The following FGF1 variants were observed in gnomAD, a reference collection of about 807,000 sequenced individuals.
FGF1 encodes beta-endothelial cell growth factor.
A neutral mutation model predicts 13.4 loss-of-function variants in FGF1; 9 were observed. The ratio of observed to expected loss-of-function variants is 0.67; its 90% CI spans 0.40 to 1.17. FGF1 has a LOEUF of 1.17. Among genes scored for constraint, FGF1 ranks in the 50% most tolerant of loss-of-function variants. The pLI is 0.01. For synonymous variants in FGF1, 93 were observed against 79.0 expected (o/e 1.18, Z -0.94); for missense variants, 156 against 192.7 (o/e 0.81, Z 1.13).
chr5:142,602,620 T>C lies in FGF1; in HGVS notation c.170-1815A>G, dbSNP rs1313768586. Among the ~76,000 whole-genome samples, 5 of 152,282 alleles carry C rather than the reference T, an allele frequency of 3.3e-5. No homozygotes were observed. The South Asian group carries it at 8.3e-4, about 25-fold the overall frequency. On this transcript the variant is annotated intron_variant, in intron 2 of 3. Coordinates refer to ENST00000337706, the MANE Select transcript of FGF1 (RefSeq NM_000800.5). ...AAGGAAACCCCTCCTAGACACCTTGTGTGTGTATCCTTTCTAGAGAGCTTG... is the reference window on the plus strand; with the variant it reads ...AAGGAAACCCCTCCTAGACACCTTGCGTGTGTATCCTTTCTAGAGAGCTTG...
intron 2 of FGF1, among the ~76,000 whole-genome samples, chr5:142,612,576 C>T (rs1237164521): frequency 6.6e-6 from 1 of 152,020 alleles, no homozygotes; most frequent in Non-Finnish European, 1.5e-5. Flanking sequence ...TGCTAATTTG[C>T]AGTGAATATT....
intron 1 of FGF1, among the ~76,000 whole-genome samples, chr5:142,675,412 T>TG: frequency 6.6e-6 from 1 of 152,156 alleles, no homozygotes; most frequent in African/African-American, 2.4e-5. Context: ...TCCATCTCTC[T>TG]GTGCTGGTGC....
chr5:142,643,359 T>A (rs1765501901), intron 1 of FGF1, among the ~76,000 whole-genome samples: 1 of 152,130 alleles, frequency 6.6e-6, no homozygotes, highest in Non-Finnish European at 1.5e-5. Flanking sequence ...GTGCTAACAG[T>A]AAAGATGATT....
At chr5:142,609,920 C>T (rs940476) in intron 2 of FGF1, among the ~76,000 whole-genome samples, 13,437 of 148,452 alleles carry the variant, frequency 0.091, 816 homozygotes, top group African/African-American at 0.18. Flanking sequence ...TGTTGGGACC[C>T]GACCTACACC....
At chr5:142,622,691 G>T (rs190346591) in intron 1 of FGF1, among the ~76,000 whole-genome samples, 20 of 152,326 alleles carry the variant, frequency 1.3e-4, no homozygotes, top group Non-Finnish European at 2.6e-4. Flanking sequence ...AGCGTGTTAG[G>T]CTGGCAGGGC....
intron 1 of FGF1, among the ~76,000 whole-genome samples, chr5:142,623,367 CAG>C (rs1411228452): frequency 2.0e-5 from 3 of 148,574 alleles, no homozygotes; most frequent in African/African-American, 7.5e-5. Flanking sequence ...TTTTTTGAGA[CAG>C]AGTCTCGTTC....
chr5:142,619,805 C>T (rs1444901236), intron 1 of FGF1, among the ~76,000 whole-genome samples: 1 of 151,404 alleles, frequency 6.6e-6, no homozygotes, highest in Non-Finnish European at 1.5e-5. Context: ...TGCACTCCAG[C>T]CTGAGCAACA....
At chr5:142,636,758 C>T (rs1302562540) in intron 1 of FGF1, among the ~76,000 whole-genome samples, 3 of 150,628 alleles carry the variant, frequency 2.0e-5, no homozygotes, top group African/African-American at 7.5e-5. Flanking sequence ...GGTAAATGTG[C>T]AGAGGTCATG....
intron 2 of FGF1, among the ~76,000 whole-genome samples, chr5:142,601,587 C>A (rs942016617): frequency 3.9e-5 from 6 of 152,038 alleles, no homozygotes; most frequent in African/African-American, 1.5e-4. Context: ...ATTTGGCAAT[C>A]TCTGAAGACA....
chr5:142,671,453 G>A (rs1390124217), intron 1 of FGF1, among the ~76,000 whole-genome samples: 1 of 152,186 alleles, frequency 6.6e-6, no homozygotes, highest in Non-Finnish European at 1.5e-5. Context: ...GTAAAACACA[G>A]CTGCTACATA....
rs77719501 is a variant in FGF1 at position 142,631,685 on chromosome 5, G to A, written c.-34-17524C>T. Among the ~76,000 whole-genome samples, 101 of 151,778 alleles carry A rather than the reference G, an allele frequency of 6.7e-4. 1 individual carries two copies. In the East Asian group the frequency reaches 0.016, roughly 24 times the overall value. On this transcript the variant is annotated intron_variant, in intron 1 of 3. Transcript: ENST00000337706. Reference sequence around the variant, plus strand: ...TTATCCTCACCAGGGGTTAACACCCGTTGCCTCAGACTTCAATACAGGTGC... The same window carrying A: ...TTATCCTCACCAGGGGTTAACACCCATTGCCTCAGACTTCAATACAGGTGC...
At chr5:142,694,420 C>T (rs1172435547) in intron 2 of FGF1, among the ~76,000 whole-genome samples, 1 of 152,120 alleles carries the variant, frequency 6.6e-6, no homozygotes, top group Admixed American at 6.5e-5. Flanking sequence ...GATATGAAGC[C>T]ATATGAATAG....
At chr5:142,676,367 T>C (rs975099082) in intron 1 of FGF1, among the ~76,000 whole-genome samples, 5 of 152,200 alleles carry the variant, frequency 3.3e-5, no homozygotes, top group African/African-American at 9.6e-5. Context: ...ACCAATCCTA[T>C]GAGATAGGAA....
chr5:142,592,293 G>C lies in FGF1; in HGVS notation c.*2997C>G. 2.5e-6 allele frequency: 1 copy of C among 398,524 alleles called. No homozygotes were observed. Among genetic ancestry groups the C allele is most frequent in the Non-Finnish European group, 4.4e-6 (1 of 225,984 alleles). The allele number at this position is 398,524 out of a possible 1,614,324, so 24.7% of individuals were successfully genotyped here. A position where few individuals can be genotyped will look rare whatever the true frequency, so the allele number is the denominator to read the frequency against. On this transcript the variant is annotated 3_prime_UTR_variant, in exon 4 of 4. Transcript: ENST00000337706. The stretch of plus-strand genomic sequence containing the variant: ...CAGAGGTCTGCTTTGCAGCCTGTGA[G>C]TTTAGTTGTCAGCAGTACACTCAAG...
chr5:142,625,351 C>T (rs1016207938), intron 1 of FGF1, among the ~76,000 whole-genome samples: 6 of 144,488 alleles, frequency 4.2e-5, no homozygotes, highest in African/African-American at 5.1e-5. Flanking sequence ...CACACACACA[C>T]GTGTCCTGTA....
At chr5:142,645,819 TCTC>T (rs1266681136) in intron 1 of FGF1, among the ~76,000 whole-genome samples, 1 of 152,182 alleles carries the variant, frequency 6.6e-6, no homozygotes, top group Non-Finnish European at 1.5e-5. Context: ...CCTCTGATAT[TCTC>T]CTGAGCTCAG....
At chr5:142,596,743 T>G (rs1755364153) in intron 3 of FGF1, among the ~76,000 whole-genome samples, 1 of 148,786 alleles carries the variant, frequency 6.7e-6, no homozygotes. Flanking sequence ...AGAACCTGTC[T>G]CTAAAGAGTA....
chr5:142,661,732 G>A (rs1455472093), intron 1 of FGF1, among the ~76,000 whole-genome samples: 2 of 152,136 alleles, frequency 1.3e-5, no homozygotes, highest in Admixed American at 6.5e-5. Context: ...CATATTGGCC[G>A]GGCGCGGTGG....
intron 1 of FGF1, chr5:142,671,916 G>T (rs1771533754): frequency 6.6e-6 from 1 of 152,160 alleles, no homozygotes; most frequent in African/African-American, 2.4e-5. Flanking sequence ...AGCTGGTAAG[G>T]GGTAGGAATG....
Sources: gnomAD v4.1 joint callset for allele counts (sites outside exome capture counted in the v4.1 genomes callset) on GRCh38, gnomAD v4.1.1 for gene constraint, MANE v1.5 for transcripts, NCBI Gene and HGNC (gene_info 2026-07-23, HGNC 2026-07-21) for gene names.